ADAM7: variants seen among roughly 807,000 people sequenced by gnomAD.
ADAM7 encodes the protein ADAM metallopeptidase domain 7.
A neutral mutation model predicts 102.9 loss-of-function variants in ADAM7; 97 were observed. The ratio of observed to expected loss-of-function variants is 0.94; its 90% CI spans 0.80 to 1.12. The LOEUF (loss-of-function observed/expected upper bound fraction) is 1.12. ADAM7 is among the 50% of genes most tolerant of loss of function. The pLI, the probability that ADAM7 is intolerant of heterozygous loss-of-function variation, is 0.00. For missense variants in ADAM7, 991 were observed against 908.7 expected (o/e 1.09, Z -1.16); for synonymous variants, 334 against 304.4 (o/e 1.10, Z -1.01).
chr8:24,497,486 A>G (rs1167377570), intron 16 of ADAM7, among the ~76,000 whole-genome samples: 1 of 152,328 alleles, frequency 6.6e-6, no homozygotes, highest in East Asian at 1.9e-4. Flanking sequence ...ACTGAATTGG[A>G]TATTACAAAA....
Position 24,466,892 on chromosome 8 carries a change from G to A in ADAM7, c.483G>A (p.Arg161=). The change falls in exon 6 of 22, where the codon AGG becomes AGA. Residue 161 remains arginine (R), a synonymous_variant. Transcript: ENST00000175238. The part of the protein sequence containing the change: ...GEHLVFKYNL[R]VPYGANYSCT... ...ATTTGGTGTTCAAATATAACCTGAG[G>A]GTGCCGTATGGTGCCAATTATTCCT... is the stretch of plus-strand genomic sequence containing the variant. 2 of 1,613,946 alleles carry A rather than the reference G, an allele frequency of 1.2e-6. No individual in the cohort carries two copies. Among genetic ancestry groups the A allele is most frequent in the East Asian group, 2.2e-5 (1 of 44,864 alleles).
At chr8:24,492,218 T>C (rs1585914581) in intron 14 of ADAM7, 120 bp downstream of exon 14, 2 of 1,006,510 alleles carry the variant, frequency 2.0e-6, no homozygotes, top group East Asian at 4.9e-5. Context: ...TTCCAAGATA[T>C]TGCTTAGCAT....
intron 16 of ADAM7, among the ~76,000 whole-genome samples, chr8:24,493,670 T>C (rs1380081088): frequency 6.6e-6 from 1 of 152,166 alleles, no homozygotes; most frequent in African/African-American, 2.4e-5. Flanking sequence ...GTTCAAAAAA[T>C]TGCTTTCTTA....
At chr8:24,457,276 T>C (rs1034567416) in intron 3 of ADAM7, among the ~76,000 whole-genome samples, 1 of 151,936 alleles carries the variant, frequency 6.6e-6, no homozygotes, top group East Asian at 1.9e-4. Flanking sequence ...TGTCCTGTTA[T>C]TATTGAGTTC....
chr8:24,460,727 A>G (rs540646369), intron 3 of ADAM7, among the ~76,000 whole-genome samples: 1 of 142,382 alleles, frequency 7.0e-6, no homozygotes. Context: ...ATACACATAT[A>G]TATGTGTGTA....
chr8:24,502,118 T>C (rs180997578), intron 20 of ADAM7, among the ~76,000 whole-genome samples: 41 of 152,268 alleles, frequency 2.7e-4, no homozygotes, highest in Admixed American at 2.7e-3. Flanking sequence ...AATGGAAAGA[T>C]ATCACTAATT....
intron 3 of ADAM7, among the ~76,000 whole-genome samples, chr8:24,459,579 C>T (rs992550936): frequency 2.6e-4 from 39 of 152,266 alleles, no homozygotes; most frequent in African/African-American, 9.4e-4. Flanking sequence ...CCTCATCCTC[C>T]TGAGTATCTG....
chr8:24,444,444 G>A (rs1449892981), intron 2 of ADAM7, among the ~76,000 whole-genome samples: 1 of 151,826 alleles, frequency 6.6e-6, no homozygotes, highest in Admixed American at 6.6e-5. Flanking sequence ...TACTGAAGGG[G>A]GGAAAGAGTC....
chr8:24,488,022 G>A (rs1274998175), intron 11 of ADAM7, among the ~76,000 whole-genome samples: 1 of 152,084 alleles, frequency 6.6e-6, no homozygotes, highest in Non-Finnish European at 1.5e-5. Context: ...CTGGCCACCT[G>A]ATCTAGATCA....
chr8:24,477,573 T>TGTGA (rs796878622), intron 8 of ADAM7, among the ~76,000 whole-genome samples: 1 of 151,596 alleles, frequency 6.6e-6, no homozygotes, highest in Non-Finnish European at 1.5e-5. Flanking sequence ...CTCATCAGTG[T>TGTGA]GTGTGTGTGT....
At chr8:24,476,575 G>C (rs930678463) in intron 8 of ADAM7, 71 bp downstream of exon 8, 2 of 1,260,212 alleles carry the variant, frequency 1.6e-6, no homozygotes, top group African/African-American at 3.0e-5. Context: ...GCAGTTCTCT[G>C]CTGGACTATT....
chr8:24,481,076 A>T (rs1046853009), intron 8 of ADAM7, among the ~76,000 whole-genome samples: 1 of 151,516 alleles, frequency 6.6e-6, no homozygotes, highest in African/African-American at 2.4e-5. Context: ...ACAAACAAAC[A>T]AACAAACAAA....
chr8:24,500,235 G>C lies in ADAM7; in HGVS notation c.1981G>C (p.Glu661Gln), dbSNP rs749629145. ...CEEGQAPVAC[E>Q]ETLHVTNITI... ...GGAAGGACAGGCACCTGTAGCCTGTGAAGAAACCTTACATGTTACCAGTGA... is the reference window on the plus strand; with the variant it reads ...GGAAGGACAGGCACCTGTAGCCTGTCAAGAAACCTTACATGTTACCAGTGA... The change falls in exon 18 of 22, where the codon GAA (glutamate) becomes CAA (glutamine). Residue 661 changes from glutamate (E) to glutamine (Q), a missense_variant. Glu to Gln is a conservative substitution (Grantham distance 29). Coordinates refer to ENST00000175238, the MANE Select transcript of ADAM7 (RefSeq NM_003817.4). 3 of 1,611,324 alleles carry C rather than the reference G, an allele frequency of 1.9e-6. No individual in the cohort carries two copies. In the Admixed American group the frequency reaches 5.0e-5, roughly 27 times the overall value.
At position 24,495,201 on chromosome 8, in the gene ADAM7, A is replaced by T. The variant is rs1159856618; in HGVS notation, c.1842+1972A>T. ...AGATTTGAATAAGATCCTATAGCTC[A>T]TAGTCCCCAGAGTATCCAGAATACA... On this transcript the variant is annotated intron_variant, in intron 16 of 21. Coordinates refer to ENST00000175238, the MANE Select transcript of ADAM7 (RefSeq NM_003817.4). Among the ~76,000 whole-genome samples the T allele has an allele frequency of 5.9e-5, 9 of 152,308 alleles. No individual in the cohort carries two copies. The East Asian group carries it at 1.7e-3, about 29-fold the overall frequency.
rs140635833 is a variant in ADAM7 at position 24,493,054 on chromosome 8, G to A, written c.1667G>A (p.Cys556Tyr). The change falls in exon 16 of 22, where the codon TGT becomes TAT. Residue 556 changes from cysteine to tyrosine, a missense_variant. Physicochemically the swap from Cys to Tyr is radical, Grantham distance 194. Coordinates refer to ENST00000175238, the MANE Select transcript of ADAM7 (RefSeq NM_003817.4). ...FLPCEEKDVR[C>Y]GKIYCTGGEL... Reference sequence around the variant, plus strand: ...TGCCTTTCCTTCAGAGATGTCAGATGTGGAAAGATCTACTGCACTGGAGGG... The same window carrying A: ...TGCCTTTCCTTCAGAGATGTCAGATATGGAAAGATCTACTGCACTGGAGGG... 285 of 1,585,866 alleles carry A rather than the reference G, an allele frequency of 1.8e-4. No homozygotes were observed. Among genetic ancestry groups the A allele is most frequent in the Non-Finnish European group, 1.8e-4 (206 of 1,171,096 alleles).
At chr8:24,496,268 A>T (rs985210149) in intron 16 of ADAM7, among the ~76,000 whole-genome samples, 7 of 152,204 alleles carry the variant, frequency 4.6e-5, no homozygotes, top group Non-Finnish European at 8.8e-5. Context: ...ATTTCAGAAG[A>T]TGTATGGAAA....
chr8:24,442,655 C>T (rs777291723), intron 2 of ADAM7, 79 bp downstream of exon 2: 2 of 1,135,540 alleles, frequency 1.8e-6, no homozygotes, highest in East Asian at 2.3e-5. Flanking sequence ...CAACCAGAAG[C>T]AAATAGGGAG....
intron 20 of ADAM7, among the ~76,000 whole-genome samples, chr8:24,507,272 A>G (rs571184818): frequency 2.0e-5 from 3 of 152,182 alleles, no homozygotes; most frequent in African/African-American, 7.2e-5. Context: ...AACCAACACC[A>G]TCTATCCTCC....
chr8:24,442,598 A>G (rs1456533299), intron 2 of ADAM7, 22 bp downstream of exon 2: 2 of 1,579,538 alleles, frequency 1.3e-6, no homozygotes, highest in Admixed American at 1.7e-5. Flanking sequence ...GATTTAGTAA[A>G]TAAGATTTGT....
Sources: allele counts gnomAD v4.1 joint callset (sites outside exome capture counted in the v4.1 genomes callset), GRCh38; gene constraint gnomAD v4.1.1; transcripts MANE v1.5; gene names NCBI Gene and HGNC (gene_info 2026-07-23, HGNC 2026-07-21).